Variants in MSANTD7 observed in about 807,000 individuals in gnomAD.
The protein encoded by MSANTD7 is zinc finger and SCAN domain containing 29.
chr10:14,846,298 A>G, the MSANTD7 span: 6 of 985,380 alleles, frequency 6.1e-6, no homozygotes, highest in Non-Finnish European at 7.2e-6. Context: ...TGTATTCTAT[A>G]AATCTATTAA....
At chr10:14,840,944 G>A in the MSANTD7 span, among the ~76,000 whole-genome samples, 1 of 152,122 alleles carries the variant, frequency 6.6e-6, no homozygotes, top group East Asian at 1.9e-4. Context: ...ATCCTAGGGG[G>A]TAAACTGGGT....
the MSANTD7 span, chr10:14,844,850 T>C: frequency 1.0e-6 from 1 of 985,460 alleles, no homozygotes; most frequent in South Asian, 4.7e-5. Flanking sequence ...TCCCATCCGC[T>C]TTTTAGCTGA....
chr10:14,842,836 C>A, the MSANTD7 span: 1 of 1,531,402 alleles, frequency 6.5e-7, no homozygotes, highest in South Asian at 1.2e-5. The surrounding 1 kb of genome is among the most constrained non-coding windows in gnomAD (Gnocchi z 5.2). Context: ...GGGATGAATC[C>A]TCGGGTGCAG....
At chr10:14,843,526 A>G in the MSANTD7 span, 1 of 1,550,648 alleles carries the variant, frequency 6.4e-7, no homozygotes, top group Non-Finnish European at 8.7e-7. Flanking sequence ...GGTAGCCTCC[A>G]CACCGCAGAC....
At chr10:14,842,316 G>A in the MSANTD7 span, 11 of 1,535,828 alleles carry the variant, frequency 7.2e-6, no homozygotes, top group Middle Eastern at 3.3e-4. This position sits in a 1 kb window ranked among gnomAD's most constrained non-coding sequence, Gnocchi z 5.2. Context: ...GCGGGCATCC[G>A]GTGGTCCAGA....
At chr10:14,841,978 G>A in the MSANTD7 span, 3 of 471,622 alleles carry the variant, frequency 6.4e-6, no homozygotes, top group Non-Finnish European at 1.2e-5. Context: ...TAGGTTCTTG[G>A]TGCCGTGTCT....
chr10:14,838,882 CGCT>C, the MSANTD7 span, among the ~76,000 whole-genome samples: 1 of 152,086 alleles, frequency 6.6e-6, no homozygotes, highest in Non-Finnish European at 1.5e-5. Context: ...GAAGGGGTCT[CGCT>C]GACGTCAGGG....
the MSANTD7 span, chr10:14,843,248 C>A: frequency 8.2e-7 from 1 of 1,216,552 alleles, no homozygotes; most frequent in Non-Finnish European, 1.2e-6. Flanking sequence ...TTCCCAGTCC[C>A]TGGTGGAAAG....
chr10:14,844,635 A>G, the MSANTD7 span: 5 of 984,916 alleles, frequency 5.1e-6, no homozygotes, highest in African/African-American at 8.7e-5. Context: ...ATATAAGGAA[A>G]TAAGAAGTGC....
At chr10:14,839,584 A>G in the MSANTD7 span, among the ~76,000 whole-genome samples, 1 of 152,218 alleles carries the variant, frequency 6.6e-6, no homozygotes, top group South Asian at 2.1e-4. Context: ...AAAAAAAAAA[A>G]AAAGAAATGG....
chr10:14,846,577 T>G, the MSANTD7 span: 2 of 982,612 alleles, frequency 2.0e-6, no homozygotes, highest in Non-Finnish European at 2.4e-6. Context: ...CCATTACTAC[T>G]TGAACCCCCT....
the MSANTD7 span, chr10:14,838,513 G>T: frequency 6.6e-7 from 1 of 1,513,078 alleles, no homozygotes. Flanking sequence ...CGGTTTTCTG[G>T]CGCTGGGTCA....
At chr10:14,842,717 C>T in the MSANTD7 span, 4 of 1,536,484 alleles carry the variant, frequency 2.6e-6, no homozygotes, top group Non-Finnish European at 3.5e-6. This position sits in a 1 kb window ranked among gnomAD's most constrained non-coding sequence, Gnocchi z 5.2. Flanking sequence ...AAAAAGGACT[C>T]AGGCAGCTGA....
chr10:14,842,336 C>A, the MSANTD7 span: 1 of 1,536,016 alleles, frequency 6.5e-7, no homozygotes, highest in East Asian at 2.4e-5. The surrounding 1 kb of genome is among the most constrained non-coding windows in gnomAD (Gnocchi z 5.2). Context: ...ACAGGAGACA[C>A]GAACTCTTCT....
chr10:14,839,889 G>C, the MSANTD7 span: 2 of 1,599,940 alleles, frequency 1.3e-6, no homozygotes, highest in African/African-American at 2.7e-5. Flanking sequence ...TATGTATTTC[G>C]TGTTTTTTTC....
At chr10:14,846,806 C>T in the MSANTD7 span, 341 of 985,242 alleles carry the variant, frequency 3.5e-4, no homozygotes, top group African/African-American at 5.4e-3. Context: ...GGCTGTTGAC[C>T]GTAAGGGATA....
At chr10:14,844,099 C>G in the MSANTD7 span, 1 of 1,398,248 alleles carries the variant, frequency 7.2e-7, no homozygotes, top group Non-Finnish European at 9.3e-7. Context: ...CCAGGGGTGA[C>G]CTAATAGAAA....
At chr10:14,839,997 C>T in the MSANTD7 span, 1 of 1,590,702 alleles carries the variant, frequency 6.3e-7, no homozygotes, top group South Asian at 1.1e-5. Flanking sequence ...TACTAGTCCC[C>T]CCATTTTTGT....
At chr10:14,844,763 C>T in the MSANTD7 span, 1 of 982,058 alleles carries the variant, frequency 1.0e-6, no homozygotes, top group Non-Finnish European at 1.2e-6. Context: ...ATTTGGGTCC[C>T]TTTATATGCC....
Sources: gnomAD v4.1 joint callset for allele counts (sites outside exome capture counted in the v4.1 genomes callset) on GRCh38, gnomAD v4.1.1 for gene constraint, Gnocchi (gnomAD v3.1) non-coding constraint, MANE v1.5 for transcripts, NCBI Gene and HGNC (gene_info 2026-07-23, HGNC 2026-07-21) for gene names.